Variants in EXOC2 observed in about 807,000 individuals in gnomAD.
EXOC2 encodes the protein SEC5-like 1.
EXOC2 carries 70 observed loss-of-function variants against 131.8 expected under a neutral mutation model. The ratio of observed to expected loss-of-function variants is 0.53; its 90% confidence interval spans 0.44 to 0.65. EXOC2 has a LOEUF of 0.65. Among genes scored for constraint, EXOC2 ranks in the 30% least tolerant of loss-of-function variants. The pLI is 0.00. For missense variants in EXOC2, 923 were observed against 1,108.6 expected, an observed-to-expected ratio of 0.83 and a Z score of 2.38; for synonymous variants, 411 against 398.4, an observed-to-expected ratio of 1.03 and a Z score of -0.38.
At chr6:664,683 TG>T (rs1474365556) in intron 1 of EXOC2, among the ~76,000 whole-genome samples, 1 of 151,954 alleles carries the variant, frequency 6.6e-6, no homozygotes, top group Non-Finnish European at 1.5e-5. Context: ...AACCATAAAG[TG>T]GGGAAAGGAC....
At chr6:498,173 C>T (rs1407295963) in intron 24 of EXOC2, among the ~76,000 whole-genome samples, 3 of 152,038 alleles carry the variant, frequency 2.0e-5, no homozygotes, top group Non-Finnish European at 4.4e-5. Context: ...TTGAATTAAC[C>T]CAAACATAAC....
intron 4 of EXOC2, among the ~76,000 whole-genome samples, chr6:629,475 A>G (rs1033837146): frequency 6.6e-6 from 1 of 152,216 alleles, no homozygotes; most frequent in Non-Finnish European, 1.5e-5. Context: ...GCTATTCTAA[A>G]ATACTTCTAG....
rs1456328916 is a variant in EXOC2, at chr6:666,935, G to A, written c.-44+26084C>T. ...CAATATGCATTTACAACTAAACCAAGTTCACTCTCAAATAACACTTTCCCA... is the reference window on the plus strand; with the variant it reads ...CAATATGCATTTACAACTAAACCAAATTCACTCTCAAATAACACTTTCCCA... On this transcript the variant is annotated intron_variant, in intron 1 of 27. Transcript: ENST00000230449. Among the ~76,000 whole-genome samples, 2 of 93,470 alleles carry A rather than the reference G, an allele frequency of 2.1e-5. 1 individual carries two copies. Among genetic ancestry groups the A allele is most frequent in the African/African-American group, 6.4e-5 (2 of 31,370 alleles). 61.3% of individuals were successfully genotyped at this position (93,470 alleles called of 152,430 possible).
chr6:569,095 G>A (rs890958523), intron 13 of EXOC2, among the ~76,000 whole-genome samples: 1 of 152,000 alleles, frequency 6.6e-6, no homozygotes, highest in Admixed American at 6.5e-5. Context: ...ATCTAATTTT[G>A]GAATATGTAA....
chr6:557,876 C>T (rs955650331), intron 17 of EXOC2, among the ~76,000 whole-genome samples: 78 of 152,052 alleles, frequency 5.1e-4, no homozygotes, highest in African/African-American at 1.7e-3. Context: ...CAGCGTGTCA[C>T]AACCAACAAA....
At chr6:569,615 G>T (rs1176440516) in intron 13 of EXOC2, among the ~76,000 whole-genome samples, 1 of 152,234 alleles carries the variant, frequency 6.6e-6, no homozygotes, top group Admixed American at 6.5e-5. Flanking sequence ...GGCAAGGGAA[G>T]CAAGTGTCCC....
At position 621,226 on chromosome 6, in the gene EXOC2, C is replaced by T. The variant is rs557127872; in HGVS notation, c.423-1683G>A. 3.3e-5 allele frequency among the ~76,000 whole-genome samples: 5 copies of T among 152,320 alleles called. No individual in the cohort carries two copies. The East Asian group carries it at 9.6e-4, about 29-fold the overall frequency. On this transcript the variant is annotated intron_variant, in intron 4 of 27. Transcript: ENST00000230449. ...TCCATGCAGGCTCTGTGTCTCACAGCTGCAGGGAACACTGTCACCTGGAGG... is the reference window on the plus strand; with the variant it reads ...TCCATGCAGGCTCTGTGTCTCACAGTTGCAGGGAACACTGTCACCTGGAGG...
Position 485,435 on chromosome 6 carries a change from A to G in EXOC2, c.*1236T>C, listed in dbSNP as rs1762992892. On this transcript the variant is annotated 3_prime_UTR_variant, in exon 28 of 28. Coordinates refer to ENST00000230449, the MANE Select transcript of EXOC2 (RefSeq NM_018303.6). The stretch of plus-strand genomic sequence containing the variant: ...CATGGCTACACTGTGCTCTAAAATT[A>G]CTTGCATTAATGAGGACATTAATTT... The G allele has an allele frequency of 6.6e-6, 1 of 152,236 alleles. No individual in the cohort carries two copies. Among genetic ancestry groups the G allele is most frequent in the South Asian group, 2.1e-4 (1 of 4,834 alleles). 9.4% of individuals were successfully genotyped at this position (152,236 alleles called of 1,614,324 possible). A position where few individuals can be genotyped will look rare whatever the true frequency, so the allele number is the denominator to read the frequency against.
At chr6:599,585 T>A (rs937818557) in intron 7 of EXOC2, among the ~76,000 whole-genome samples, 1 of 152,224 alleles carries the variant, frequency 6.6e-6, no homozygotes, top group African/African-American at 2.4e-5. Flanking sequence ...CACATACGCA[T>A]GTATGTGCAT....
chr6:614,832 C>A (rs1760899916), intron 6 of EXOC2, among the ~76,000 whole-genome samples: 1 of 152,024 alleles, frequency 6.6e-6, no homozygotes, highest in South Asian at 2.1e-4. Flanking sequence ...TAATTTTTGG[C>A]ATACTTACAA....
intron 7 of EXOC2, among the ~76,000 whole-genome samples, chr6:606,381 C>T (rs889983756): frequency 7.9e-5 from 12 of 151,996 alleles, no homozygotes; most frequent in African/African-American, 2.7e-4. Context: ...CAAACCTGCA[C>T]GTTGTGCACA....
At chr6:491,975 G>A (rs1178088289) in intron 25 of EXOC2, among the ~76,000 whole-genome samples, 2 of 152,188 alleles carry the variant, frequency 1.3e-5, no homozygotes, top group African/African-American at 4.8e-5. Context: ...GAAGAATGAA[G>A]TTGAATCCTT....
At chr6:520,666 A>G (rs192600188) in intron 23 of EXOC2, among the ~76,000 whole-genome samples, 7 of 66,670 alleles carry the variant, frequency 1.0e-4, no homozygotes, top group African/African-American at 1.3e-4. Context: ...TCGGAGACGA[A>G]AACAACCACC....
rs1286243834 is a variant in EXOC2 at position 633,256 on chromosome 6, T to G, written c.119-139A>C. ...TACCCAATATTATTTGCAGATATACTGTTATCTCTATTGACTTTTCCTCTT... is the reference window on the plus strand; with the variant it reads ...TACCCAATATTATTTGCAGATATACGGTTATCTCTATTGACTTTTCCTCTT... On this transcript the variant is annotated intron_variant, in intron 2 of 27. Coordinates refer to ENST00000230449, the MANE Select transcript of EXOC2 (RefSeq NM_018303.6). The G allele has an allele frequency of 1.2e-5, 11 of 915,804 alleles. No homozygotes were observed. In the South Asian group the frequency reaches 1.7e-4, roughly 14 times the overall value. The allele number at this position is 915,804 out of a possible 1,614,324, so 56.7% of individuals were successfully genotyped here. A position where few individuals can be genotyped will look rare whatever the true frequency, so the allele number is the denominator to read the frequency against.
At chr6:598,473 A>C (rs371467090) in intron 9 of EXOC2, among the ~76,000 whole-genome samples, 1 of 152,202 alleles carries the variant, frequency 6.6e-6, no homozygotes, top group Non-Finnish European at 1.5e-5. Flanking sequence ...CATAACTTCA[A>C]AAGTTGCTGA....
chr6:688,861 A>G (rs1764786391), intron 1 of EXOC2, among the ~76,000 whole-genome samples: 1 of 152,244 alleles, frequency 6.6e-6, no homozygotes, highest in African/African-American at 2.4e-5. Flanking sequence ...AACTAAAGCC[A>G]AACATGGCCT....
rs58483853 is a variant in EXOC2, at chr6:547,047, A to C, written c.2238+2128T>G. The stretch of plus-strand genomic sequence containing the variant: ...TGCCTTGCTGTGCTCTTACAGGTCA[A>C]GTCCTTGACCTCTCTGGGTATCTTT... On this transcript the variant is annotated intron_variant, in intron 22 of 27. Coordinates refer to ENST00000230449, the MANE Select transcript of EXOC2 (RefSeq NM_018303.6). Among the ~76,000 whole-genome samples the C allele has an allele frequency of 2.3e-3, 353 of 152,360 alleles. 3 individuals carry two copies. The highest frequency in any genetic ancestry group is 8.2e-3 in the African/African-American group (340 of 41,578).
At chr6:555,333 C>A in intron 19 of EXOC2, 45 bp from the exon 20 acceptor site, 1 of 1,246,792 alleles carries the variant, frequency 8.0e-7, no homozygotes, top group South Asian at 1.6e-5. Flanking sequence ...GAATGAACTC[C>A]TAGACATTAA....
chr6:564,599 T>A lies in EXOC2; in HGVS notation c.1613A>T (p.Glu538Val). 1.2e-6 allele frequency: 2 copies of A among 1,614,132 alleles called. No homozygotes were observed. Among genetic ancestry groups the A allele is most frequent in the East Asian group, 2.2e-5 (1 of 44,882 alleles). Reference sequence around the variant, plus strand: ...CTGTCCGGAGAGCTCGCACTTCACCTCCCAGCCTCCGTACTGCTTGGCTTC... The same window carrying A: ...CTGTCCGGAGAGCTCGCACTTCACCACCCAGCCTCCGTACTGCTTGGCTTC... ...DGEAKQYGGW[E>V]VKCELSGQWL... Residue 538 changes from glutamate to valine, a missense_variant, in exon 15 of 28, where the codon GAG becomes GTG. Transcript: ENST00000230449.
Sources: gnomAD v4.1 joint callset for allele counts (sites outside exome capture counted in the v4.1 genomes callset) on GRCh38, gnomAD v4.1.1 for gene constraint, MANE v1.5 for transcripts, NCBI Gene and HGNC (gene_info 2026-07-23, HGNC 2026-07-21) for gene names.